The following DIP2C variants were observed in gnomAD, a reference collection of about 807,000 sequenced individuals.
DIP2C encodes the protein DIP2 acetate--CoA ligase C (putative).
In DIP2C, 33 loss-of-function variants were observed where a neutral mutation model predicts 192.4. The ratio of observed to expected loss-of-function variants is 0.17; its 90% CI spans 0.13 to 0.23. DIP2C has a LOEUF of 0.23. DIP2C is among the 10% of genes least tolerant of loss of function. The pLI, the probability that DIP2C is intolerant of heterozygous loss-of-function variation, is 1.00. For synonymous variants in DIP2C, 979 were observed against 864.1 expected (o/e 1.13, Z -2.33); for missense variants, 1,537 against 2,110.1 (o/e 0.73, Z 5.32).
At chr10:438,008 T>G (rs1373297217) in intron 4 of DIP2C, 1 of 152,204 alleles carries the variant, frequency 6.6e-6, no homozygotes, top group South Asian at 2.1e-4. Flanking sequence ...GTAAAAAATT[T>G]TTATGATATT....
chr10:464,369 G>A (rs908940637), intron 3 of DIP2C, among the ~76,000 whole-genome samples: 8 of 151,776 alleles, frequency 5.3e-5, no homozygotes, highest in Admixed American at 2.0e-4. Flanking sequence ...ACATTTATGT[G>A]GCCAACAAAC....
At chr10:370,680 C>T (rs1186498190) in intron 17 of DIP2C, among the ~76,000 whole-genome samples, 1 of 152,218 alleles carries the variant, frequency 6.6e-6, no homozygotes, top group African/African-American at 2.4e-5. Flanking sequence ...CTAACAATTC[C>T]TCAACGGTTA....
At chr10:278,049 CCTCT>C (rs34248165) in intron 36 of DIP2C, among the ~76,000 whole-genome samples, 59 of 151,192 alleles carry the variant, frequency 3.9e-4, no homozygotes, top group African/African-American at 1.1e-3. Flanking sequence ...GGTGCCTACT[CCTCT>C]CTGTCTGTGC....
At chr10:373,681 T>G (rs1178975466) in intron 17 of DIP2C, among the ~76,000 whole-genome samples, 2 of 152,170 alleles carry the variant, frequency 1.3e-5, no homozygotes, top group East Asian at 3.9e-4. Context: ...ATCCAGGGCT[T>G]GTGGCTCTGG....
chr10:557,259 C>T (rs1350344705), intron 1 of DIP2C, among the ~76,000 whole-genome samples: 1 of 152,250 alleles, frequency 6.6e-6, no homozygotes, highest in African/African-American at 2.4e-5. Flanking sequence ...GGAGCAGAAC[C>T]TCCAGCCCAG....
intron 35 of DIP2C, among the ~76,000 whole-genome samples, chr10:281,837 TTTCCTTAGCTCATAGAGCC>T (rs1163771246): frequency 6.6e-6 from 1 of 152,214 alleles, no homozygotes; most frequent in African/African-American, 2.4e-5. Flanking sequence ...TTCATGAACA[TTTCCTTAGCTCATAGAGCC>T]AGGAAATTTA....
intron 17 of DIP2C, among the ~76,000 whole-genome samples, chr10:378,716 GAC>G (rs1419197307): frequency 6.6e-6 from 1 of 151,362 alleles, no homozygotes; most frequent in African/African-American, 2.4e-5. Flanking sequence ...GATATGCACA[GAC>G]ACGTGAACAG....
chr10:472,544 C>A lies in DIP2C; in HGVS notation c.163G>T (p.Asp55Tyr), dbSNP rs1362991091. The change falls in exon 3 of 37, where the codon GAC becomes TAC. Residue 55 changes from aspartate (D) to tyrosine (Y), a missense_variant. Transcript: ENST00000280886. ...GAYLPQPPRV[D>Y]QALPQERRAP... ...CGGCGTTCTTGCGGCAAAGCTTGGT[C>A]CACCCCTGGATTTCAATAAAAACAG... is the stretch of plus-strand genomic sequence containing the variant. 1 of 1,613,938 alleles carries A rather than the reference C, an allele frequency of 6.2e-7. No individual in the cohort carries two copies.
rs977921527 is a variant in DIP2C, at chr10:364,424, G to A, written c.2427C>T (p.Ile809=). The A allele has an allele frequency of 1.1e-5, 18 of 1,613,932 alleles. No individual in the cohort carries two copies. The highest frequency in any genetic ancestry group is 9.3e-5 in the African/African-American group (7 of 74,916). The change falls in exon 20 of 37, where the codon ATC becomes ATT. Residue 809 remains isoleucine (I), a synonymous_variant. Coordinates refer to ENST00000280886, the MANE Select transcript of DIP2C (RefSeq NM_014974.3). Reference sequence around the variant, plus strand: ...GTTCTACGGCCAGCGCAGTGGCCACGATGTCGTCGGCGTTGTGCCTGCGCC... The same window carrying A: ...GTTCTACGGCCAGCGCAGTGGCCACAATGTCGTCGGCGTTGTGCCTGCGCC... The part of the protein sequence containing the change: ...VSGRRHNADD[I]VATALAVEPM...
At chr10:391,895 AT>A (rs2132957094) in intron 10 of DIP2C, among the ~76,000 whole-genome samples, 1 of 152,286 alleles carries the variant, frequency 6.6e-6, no homozygotes, top group East Asian at 1.9e-4. Flanking sequence ...CAGATTTAAA[AT>A]TTCAAAGCTG....
In DIP2C at chr10:283,321, T is replaced by C. The variant is rs757296632; in HGVS notation, c.4245A>G (p.Thr1415=). The C allele has an allele frequency of 2.5e-6, 4 of 1,614,026 alleles. No individual in the cohort carries two copies. In the East Asian group the frequency reaches 6.7e-5, roughly 27 times the overall value. ...FGDTQTIWAR[T]GYLGFLRRTE... is the part of the protein sequence containing the mutation. The stretch of plus-strand genomic sequence containing the variant: ...TTCTCCGCAGGAACCCCAAGTAGCC[T>C]GTGCGTGCCCAGATGGTCTGGGTGT... Residue 1415 remains threonine (T), a synonymous_variant, in exon 35 of 37, where the codon ACA becomes ACG. Coordinates refer to ENST00000280886, the MANE Select transcript of DIP2C (RefSeq NM_014974.3).
At chr10:606,298 C>A (rs1230394906) in intron 1 of DIP2C, among the ~76,000 whole-genome samples, 2 of 152,058 alleles carry the variant, frequency 1.3e-5, no homozygotes, top group Admixed American at 6.5e-5. Context: ...AGACACCAGT[C>A]ACAGCCACAC....
chr10:671,427 C>CA (rs1476693436), intron 1 of DIP2C, among the ~76,000 whole-genome samples: 26 of 126,898 alleles, frequency 2.0e-4, no homozygotes, highest in East Asian at 9.6e-4. Flanking sequence ...ACGGAGGAAA[C>CA]GTCACAGACG....
At chr10:462,496 G>C (rs1177219479) in intron 3 of DIP2C, among the ~76,000 whole-genome samples, 2 of 152,146 alleles carry the variant, frequency 1.3e-5, no homozygotes, top group Non-Finnish European at 2.9e-5. Flanking sequence ...TCCCTGAATA[G>C]ACCAATAACA....
intron 1 of DIP2C, among the ~76,000 whole-genome samples, chr10:614,633 G>A (rs546680452): frequency 6.6e-6 from 1 of 152,356 alleles, no homozygotes; most frequent in East Asian, 1.9e-4. Flanking sequence ...GCTGAGCCCC[G>A]AAACATGGCC....
chr10:309,064 T>C (rs534323400), intron 32 of DIP2C, among the ~76,000 whole-genome samples: 3 of 152,294 alleles, frequency 2.0e-5, no homozygotes, highest in Admixed American at 6.5e-5. Flanking sequence ...GAAGGCACCA[T>C]GTCCCACGCA....
chr10:315,712 G>A (rs1254506924), intron 31 of DIP2C, among the ~76,000 whole-genome samples: 1 of 152,160 alleles, frequency 6.6e-6, no homozygotes, highest in Non-Finnish European at 1.5e-5. Context: ...GAATCTTTGT[G>A]TTGATTCTTC....
At chr10:606,311 C>T (rs746175971) in intron 1 of DIP2C, among the ~76,000 whole-genome samples, 10 of 152,186 alleles carry the variant, frequency 6.6e-5, no homozygotes, top group Admixed American at 1.3e-4. Flanking sequence ...AGCCACACAG[C>T]TCAGGGCACG....
intron 1 of DIP2C, among the ~76,000 whole-genome samples, chr10:606,658 G>A (rs377529244): frequency 7.2e-5 from 11 of 151,996 alleles, no homozygotes; most frequent in African/African-American, 4.8e-5. Context: ...CTGTAATTAC[G>A]TGCTGTGATC....
Sources: allele counts gnomAD v4.1 joint callset (sites outside exome capture counted in the v4.1 genomes callset), GRCh38; gene constraint gnomAD v4.1.1; transcripts MANE v1.5; gene names NCBI Gene and HGNC (gene_info 2026-07-23, HGNC 2026-07-21).